The following CFAP299 variants were observed in gnomAD, a reference collection of about 807,000 sequenced individuals.
CFAP299 encodes the protein cilia and flagella associated protein 299, also known as cilia- and flagella-associated protein 299.
Under a neutral mutation model 27.0 loss-of-function variants are expected in CFAP299, and 21 were observed. That is an observed-to-expected ratio of 0.78 (90% CI 0.55 to 1.12). The LOEUF (loss-of-function observed/expected upper bound fraction) is 1.12. Among genes scored for constraint, CFAP299 ranks in the 50% most tolerant of loss-of-function variants. CFAP299 has a pLI of 0.00. For synonymous variants in CFAP299, 104 were observed against 98.1 expected (o/e 1.06, Z -0.36); for missense variants, 310 against 276.6 (o/e 1.12, Z -0.86).
chr4:80,722,737 A>C (rs1008086570), intron 3 of CFAP299, among the ~76,000 whole-genome samples: 3 of 151,982 alleles, frequency 2.0e-5, no homozygotes, highest in African/African-American at 7.2e-5. Context: ...CGTCTCTACT[A>C]AAAATACAAA....
chr4:80,886,185 A>T (rs1354459321), intron 4 of CFAP299, among the ~76,000 whole-genome samples: 1 of 152,230 alleles, frequency 6.6e-6, no homozygotes, highest in Non-Finnish European at 1.5e-5. Flanking sequence ...GCTTAACCAC[A>T]GTAGAATAGA....
intron 2 of CFAP299, among the ~76,000 whole-genome samples, chr4:80,518,862 G>A (rs1732729610): frequency 6.6e-6 from 1 of 152,120 alleles, no homozygotes; most frequent in African/African-American, 2.4e-5. Context: ...GTAGAACTTT[G>A]CTTAGAGAGG....
chr4:80,690,401 A>G (rs1199628384), intron 3 of CFAP299, among the ~76,000 whole-genome samples: 1 of 152,108 alleles, frequency 6.6e-6, no homozygotes, highest in Non-Finnish European at 1.5e-5. Flanking sequence ...ACTCAAAACC[A>G]CTCAACTATA....
At chr4:80,618,044 A>T (rs2109927329) in intron 3 of CFAP299, among the ~76,000 whole-genome samples, 1 of 152,248 alleles carries the variant, frequency 6.6e-6, no homozygotes, top group African/African-American at 2.4e-5. Context: ...AAAATTTGTG[A>T]TGTATGGTCA....
intron 3 of CFAP299, among the ~76,000 whole-genome samples, chr4:80,861,171 G>T (rs577383758): frequency 6.6e-6 from 1 of 152,200 alleles, no homozygotes; most frequent in African/African-American, 2.4e-5. Flanking sequence ...AGACTGCTAT[G>T]CTAGCAATCA....
intron 3 of CFAP299, among the ~76,000 whole-genome samples, chr4:80,596,621 A>G (rs1475485526): frequency 6.6e-6 from 1 of 152,148 alleles, no homozygotes; most frequent in Admixed American, 6.5e-5. Context: ...GCAAACATAT[A>G]AAAGCATGCA....
At chr4:80,722,913 A>AC (rs374946736) in intron 3 of CFAP299, among the ~76,000 whole-genome samples, 6 of 145,738 alleles carry the variant, frequency 4.1e-5, no homozygotes, top group South Asian at 2.4e-4. Flanking sequence ...ACAAAACAAA[A>AC]AAAAATCAAT....
intron 3 of CFAP299, among the ~76,000 whole-genome samples, chr4:80,682,133 G>A (rs372370430): frequency 6.6e-5 from 10 of 152,208 alleles, no homozygotes; most frequent in Admixed American, 2.0e-4. Flanking sequence ...GGATCTGCCC[G>A]CTTTTTCTCT....
At chr4:80,590,430 A>T (rs569527305) in intron 3 of CFAP299, among the ~76,000 whole-genome samples, 2 of 152,288 alleles carry the variant, frequency 1.3e-5, no homozygotes, top group African/African-American at 4.8e-5. Context: ...CGAGGTCAGG[A>T]GTTCGAGACC....
At chr4:80,758,820 T>C (rs1157828761) in intron 3 of CFAP299, among the ~76,000 whole-genome samples, 1 of 152,184 alleles carries the variant, frequency 6.6e-6, no homozygotes, top group Non-Finnish European at 1.5e-5. Context: ...AACAGAATAT[T>C]ATATATCAAA....
intron 3 of CFAP299, among the ~76,000 whole-genome samples, chr4:80,730,207 G>A (rs1723422224): frequency 6.6e-6 from 1 of 151,038 alleles, no homozygotes; most frequent in Non-Finnish European, 1.5e-5. Flanking sequence ...TTCCCTGCCT[G>A]TGTACTCTGA....
chr4:80,582,964 A>G (rs1736243457), intron 2 of CFAP299, 129 bp from the exon 3 acceptor site: 2 of 502,344 alleles, frequency 4.0e-6, no homozygotes, highest in Non-Finnish European at 7.1e-6. Context: ...CTAGTAGATC[A>G]TGATTTTATT....
chr4:80,495,153 C>T (rs1002468649), intron 2 of CFAP299, among the ~76,000 whole-genome samples: 3 of 152,106 alleles, frequency 2.0e-5, no homozygotes, highest in African/African-American at 7.2e-5. Flanking sequence ...TTTGGTGTTT[C>T]TCCACAATGC....
chr4:80,580,930 G>GT (rs1736131739), intron 2 of CFAP299, among the ~76,000 whole-genome samples: 1 of 151,932 alleles, frequency 6.6e-6, no homozygotes, highest in Admixed American at 6.6e-5. Context: ...GATAGAAGAT[G>GT]TTTCATCAGT....
chr4:80,963,486 C>G, intron 5 of CFAP299, 31 bp from the exon 6 acceptor site: 1 of 1,446,564 alleles, frequency 6.9e-7, no homozygotes, highest in Non-Finnish European at 9.5e-7. Context: ...TTTTTATAGA[C>G]TTGACTAACA....
At chr4:80,764,262 A>G (rs1219457821) in intron 3 of CFAP299, among the ~76,000 whole-genome samples, 2 of 152,188 alleles carry the variant, frequency 1.3e-5, no homozygotes, top group African/African-American at 4.8e-5. Context: ...ACAAGAAAAA[A>G]CAACTCCATC....
Position 80,583,511 on chromosome 4 carries a change from TCACC to T in CFAP299, c.333+332_333+335del, listed in dbSNP as rs78722950. On this transcript the variant is annotated intron_variant, in intron 3 of 5. Transcript: ENST00000358105. Reference sequence around the variant, plus strand: ...TCTTCTTACATTCTCCCAAGTTGCATCACCCACTGACCCTAAGTTTTGTCCCCTG... The same window carrying T: ...TCTTCTTACATTCTCCCAAGTTGCATCACTGACCCTAAGTTTTGTCCCCTG... Among the ~76,000 whole-genome samples the T allele has an allele frequency of 4.6e-3, 706 of 152,034 alleles. 3 individuals carry two copies. The highest frequency in any genetic ancestry group is 7.6e-3 in the Non-Finnish European group (515 of 67,830).
chr4:80,417,849 T>C (rs1249504110), intron 2 of CFAP299, among the ~76,000 whole-genome samples: 1 of 151,956 alleles, frequency 6.6e-6, no homozygotes, highest in Non-Finnish European at 1.5e-5. Context: ...CCCAGGCCCT[T>C]TTTGCCCTTC....
chr4:80,683,885 C>G (rs1252621255), intron 3 of CFAP299, among the ~76,000 whole-genome samples: 3 of 152,212 alleles, frequency 2.0e-5, no homozygotes, highest in Non-Finnish European at 2.9e-5. Flanking sequence ...TCAAAGCAAT[C>G]TAGTGCATTT....
Sources: gnomAD v4.1 joint callset for allele counts (sites outside exome capture counted in the v4.1 genomes callset) on GRCh38, gnomAD v4.1.1 for gene constraint, MANE v1.5 for transcripts, NCBI Gene and HGNC (gene_info 2026-07-23, HGNC 2026-07-21) for gene names.